The following EYS variants were observed in gnomAD, a reference collection of about 807,000 sequenced individuals.
The protein encoded by EYS is EGF-like photoreceptor maintenance factor.
A neutral mutation model predicts 282.1 loss-of-function variants in EYS; 250 were observed. That is an observed-to-expected ratio of 0.89 (90% CI 0.80 to 0.98). EYS has a LOEUF of 0.98. EYS is among the 50% of genes least tolerant of loss of function. The probability of loss-of-function intolerance (pLI) is 0.00; values close to 1 mark genes in which losing one functional copy is unlikely to be tolerated. For missense variants in EYS, 4,016 were observed against 3,709.0 expected (o/e 1.08, Z -2.15); for synonymous variants, 1,355 against 1,282.9 (o/e 1.06, Z -1.20).
chr6:65,697,187 T>C (rs925501518), intron 1 of EYS, among the ~76,000 whole-genome samples: 2 of 152,084 alleles, frequency 1.3e-5, no homozygotes, highest in Non-Finnish European at 2.9e-5. Context: ...ATTAACAGTC[T>C]AATAATTAAA....
chr6:65,201,636 T>C (rs1765904102), intron 12 of EYS, among the ~76,000 whole-genome samples: 1 of 152,216 alleles, frequency 6.6e-6, no homozygotes. Flanking sequence ...GTGTGAGCTA[T>C]CTAAAATATA....
At chr6:65,550,748 T>G (rs1768586006) in intron 2 of EYS, among the ~76,000 whole-genome samples, 1 of 7,382 alleles carries the variant, frequency 1.4e-4, no homozygotes, top group Non-Finnish European at 2.0e-4. Context: ...TTGTTGGACA[T>G]TTGGGTTGGT....
chr6:65,372,617 C>T (rs1245518824), intron 8 of EYS, among the ~76,000 whole-genome samples: 3 of 151,844 alleles, frequency 2.0e-5, no homozygotes, highest in Non-Finnish European at 4.4e-5. Context: ...GATTAGAAAC[C>T]TAACACTCTC....
At chr6:65,125,507 C>T (rs1020232214) in intron 12 of EYS, among the ~76,000 whole-genome samples, 4 of 152,090 alleles carry the variant, frequency 2.6e-5, no homozygotes, top group African/African-American at 9.7e-5. Flanking sequence ...TTATGCAGTT[C>T]TATTTCAATG....
chr6:65,068,811 G>T (rs1027376185), intron 12 of EYS, among the ~76,000 whole-genome samples: 2 of 151,982 alleles, frequency 1.3e-5, no homozygotes, highest in African/African-American at 4.8e-5. Flanking sequence ...ATAATTGTTT[G>T]CTTATGTTCA....
chr6:64,789,596 G>C (rs1214312245), intron 22 of EYS, among the ~76,000 whole-genome samples: 14 of 152,046 alleles, frequency 9.2e-5, no homozygotes, highest in Non-Finnish European at 2.1e-4. Flanking sequence ...TTCTGTGTTA[G>C]ACAATATGTT....
intron 21 of EYS, 27 bp from the exon 22 acceptor site, chr6:64,813,604 T>G (rs1764664242): frequency 1.4e-6 from 2 of 1,439,430 alleles, no homozygotes; most frequent in African/African-American, 2.9e-5. Flanking sequence ...AGAATCAAAT[T>G]TGATTATTAG....
chr6:65,077,403 A>T (rs1407983824), intron 12 of EYS, among the ~76,000 whole-genome samples: 2 of 152,124 alleles, frequency 1.3e-5, no homozygotes. Flanking sequence ...TAACACTATG[A>T]TTCAATAAGG....
chr6:65,439,065 C>G (rs909696816), intron 5 of EYS, among the ~76,000 whole-genome samples: 12 of 152,160 alleles, frequency 7.9e-5, no homozygotes, highest in African/African-American at 2.4e-4. Flanking sequence ...TTTCAGCTTT[C>G]CACATATGGC....
At chr6:65,109,567 GC>G (rs530595454) in intron 12 of EYS, among the ~76,000 whole-genome samples, 1 of 150,690 alleles carries the variant, frequency 6.6e-6, no homozygotes, top group African/African-American at 2.4e-5. Flanking sequence ...AGTTTTGAGA[GC>G]CCCCCCTTTG....
At chr6:65,335,298 T>G (rs1381011585) in intron 10 of EYS, 152 bp from the exon 11 acceptor site, 1 of 674,346 alleles carries the variant, frequency 1.5e-6, no homozygotes, top group Non-Finnish European at 2.6e-6. Context: ...GGACAAGGGT[T>G]CAAAGCTTGG....
intron 12 of EYS, among the ~76,000 whole-genome samples, chr6:65,113,276 G>T (rs1246452926): frequency 6.6e-6 from 1 of 151,878 alleles, no homozygotes; most frequent in Non-Finnish European, 1.5e-5. Context: ...TACTGCTATT[G>T]AAATTTAGGA....
intron 24 of EYS, among the ~76,000 whole-genome samples, chr6:64,615,789 G>C (rs1391068624): frequency 6.6e-6 from 1 of 152,056 alleles, no homozygotes; most frequent in Admixed American, 6.6e-5. Flanking sequence ...CAAGTACTTA[G>C]AGAATGGTTG....
At chr6:63,995,867 A>C (rs1206929281) in intron 34 of EYS, among the ~76,000 whole-genome samples, 2 of 151,954 alleles carry the variant, frequency 1.3e-5, no homozygotes, top group Non-Finnish European at 2.9e-5. Context: ...TAAGAGGAAT[A>C]AATTTTGGTG....
intron 28 of EYS, among the ~76,000 whole-genome samples, chr6:64,414,658 G>A (rs1300344825): frequency 6.6e-6 from 1 of 152,134 alleles, no homozygotes; most frequent in Non-Finnish European, 1.5e-5. Flanking sequence ...AGAGGGTGGT[G>A]AGGTTATAAG....
Position 64,519,610 on chromosome 6 carries a change from T to C in EYS, c.5644+70613A>G, listed in dbSNP as rs186591331. Reference sequence around the variant, plus strand: ...ACAGAGGAAGGCACTCAATGACTTTTGAAGGCTTTGGAAAAACGGTGGCTA... The same window carrying C: ...ACAGAGGAAGGCACTCAATGACTTTCGAAGGCTTTGGAAAAACGGTGGCTA... On this transcript the variant is annotated intron_variant, in intron 26 of 42. Coordinates refer to ENST00000503581, the MANE Select transcript of EYS (RefSeq NM_001142800.2). Among the ~76,000 whole-genome samples the C allele has an allele frequency of 1.1e-4, 17 of 151,948 alleles. No homozygotes were observed. In the East Asian group the frequency reaches 3.3e-3, roughly 30 times the overall value.
chr6:63,843,386 C>T (rs1256464609), intron 36 of EYS, among the ~76,000 whole-genome samples: 1 of 152,094 alleles, frequency 6.6e-6, no homozygotes, highest in East Asian at 1.9e-4. Flanking sequence ...TGGGAGTTCA[C>T]TCATGATTTG....
chr6:63,863,495 G>T (rs80099615), intron 36 of EYS, among the ~76,000 whole-genome samples: 1 of 151,650 alleles, frequency 6.6e-6, no homozygotes. Context: ...TTGTACTCTC[G>T]GTTTGCCAAA....
chr6:63,883,236 T>G (rs1368301072), intron 35 of EYS, among the ~76,000 whole-genome samples: 1 of 152,230 alleles, frequency 6.6e-6, no homozygotes, highest in African/African-American at 2.4e-5. Context: ...TGTTCCACTC[T>G]GTGACTGGAC....
Sources: allele counts gnomAD v4.1 joint callset (sites outside exome capture counted in the v4.1 genomes callset), GRCh38; gene constraint gnomAD v4.1.1; transcripts MANE v1.5; gene names NCBI Gene and HGNC (gene_info 2026-07-23, HGNC 2026-07-21).